The following NELL2 variants were observed in gnomAD, a reference collection of about 807,000 sequenced individuals.
NELL2 encodes neural EGFL like 2.
NELL2 carries 41 observed loss-of-function variants against 109.6 expected under a neutral mutation model. The observed-to-expected ratio is 0.37, with a 90% confidence interval of 0.29 to 0.49. The LOEUF (loss-of-function observed/expected upper bound fraction) is 0.49, where lower values mean the gene tolerates loss of function less well. Ranked by LOEUF, NELL2 falls within the 20% of genes least tolerant of loss-of-function variation. NELL2 has a pLI of 0.98. For synonymous variants in NELL2, 355 were observed against 344.7 expected (o/e 1.03, Z -0.33); for missense variants, 900 against 1,008.3 (o/e 0.89, Z 1.45).
intron 5 of NELL2, among the ~76,000 whole-genome samples, chr12:44,777,891 T>G (rs1054815251): frequency 2.6e-5 from 4 of 152,210 alleles, no homozygotes; most frequent in Admixed American, 2.0e-4. Flanking sequence ...ATGAAAATTT[T>G]TTAAATGTCA....
rs559158004 is a variant in NELL2 at position 44,804,083 on chromosome 12, G to A, written c.335+11903C>T. Among the ~76,000 whole-genome samples the A allele has an allele frequency of 2.0e-5, 3 of 151,854 alleles. No individual in the cohort carries two copies. In the East Asian group the frequency reaches 5.8e-4, roughly 29 times the overall value. ...GGTGCTGCTCAGACTATTTCTACTGGCTGAATTAAATGGGTTTAAGCTGAA... is the reference window on the plus strand; with the variant it reads ...GGTGCTGCTCAGACTATTTCTACTGACTGAATTAAATGGGTTTAAGCTGAA... On this transcript the variant is annotated intron_variant, in intron 3 of 19. Transcript: ENST00000429094.
At chr12:44,702,755 T>C (rs1213675770) in intron 12 of NELL2, among the ~76,000 whole-genome samples, 1 of 152,138 alleles carries the variant, frequency 6.6e-6, no homozygotes, top group Non-Finnish European at 1.5e-5. Flanking sequence ...CAGTAGCATT[T>C]AAAGAAATAT....
chr12:44,691,330 C>A (rs1948893749), intron 12 of NELL2, among the ~76,000 whole-genome samples: 1 of 152,042 alleles, frequency 6.6e-6, no homozygotes, highest in African/African-American at 2.4e-5. Context: ...GAATAATGGT[C>A]TTGATTTTAC....
At chr12:44,702,483 C>A (rs1949259701) in intron 12 of NELL2, among the ~76,000 whole-genome samples, 1 of 152,212 alleles carries the variant, frequency 6.6e-6, no homozygotes, top group Admixed American at 6.5e-5. Flanking sequence ...CAAAGTATCA[C>A]ATGAATTTGT....
intron 3 of NELL2, among the ~76,000 whole-genome samples, chr12:44,795,023 T>C (rs1399618255): frequency 6.6e-6 from 1 of 152,174 alleles, no homozygotes; most frequent in East Asian, 1.9e-4. Flanking sequence ...TAAACTAACT[T>C]AAGATTAGGT....
intron 2 of NELL2, among the ~76,000 whole-genome samples, chr12:44,827,046 G>T (rs1467799186): frequency 6.6e-6 from 1 of 152,038 alleles, no homozygotes; most frequent in Non-Finnish European, 1.5e-5. Context: ...GCACTAAATT[G>T]CAAAACAGAA....
intron 13 of NELL2, among the ~76,000 whole-genome samples, chr12:44,651,368 C>T (rs1592272238): frequency 6.6e-6 from 1 of 152,282 alleles, no homozygotes; most frequent in East Asian, 1.9e-4. Flanking sequence ...GGATATTTTC[C>T]ACTTTACTGA....
intron 15 of NELL2, among the ~76,000 whole-genome samples, chr12:44,588,117 G>A (rs374224071): frequency 2.0e-5 from 3 of 151,108 alleles, no homozygotes; most frequent in South Asian, 2.1e-4. Context: ...GCAGTGAGCC[G>A]AGATCATCGT....
intron 2 of NELL2, among the ~76,000 whole-genome samples, chr12:44,828,949 A>T (rs1036767696): frequency 1.3e-5 from 2 of 152,138 alleles, no homozygotes; most frequent in African/African-American, 2.4e-5. Context: ...TCACTGCTAT[A>T]ATTCTCATTT....
intron 19 of NELL2, 83 bp from the exon 20 acceptor site, chr12:44,509,067 C>G (rs769257185): frequency 5.1e-5 from 57 of 1,123,280 alleles, no homozygotes; most frequent in Non-Finnish European, 7.0e-5. Context: ...TTGGTACTTA[C>G]AAACAAAACT....
chr12:44,876,894 T>C (rs978042519), upstream of NELL2: 8 of 1,273,536 alleles, frequency 6.3e-6, no homozygotes, highest in Middle Eastern at 6.1e-4. Flanking sequence ...CCGGGTGTCC[T>C]GGTGGAGAGG....
chr12:44,551,868 T>C lies in NELL2; in HGVS notation c.1664-19147A>G, dbSNP rs1395625698. On this transcript the variant is annotated intron_variant, in intron 15 of 19. Coordinates refer to ENST00000429094, the MANE Select transcript of NELL2 (RefSeq NM_001145108.2). ...AAATGAAACCAAAAGCTTTTATTAC[T>C]CATAAGATAAAGCACTCTCTTGTAG... Among the ~76,000 whole-genome samples the C allele has an allele frequency of 3.9e-5, 6 of 152,230 alleles. No individual in the cohort carries two copies. The East Asian group carries it at 1.2e-3, about 29-fold the overall frequency.
chr12:44,591,827 TTCA>T (rs1481859643), intron 15 of NELL2, among the ~76,000 whole-genome samples: 1 of 152,302 alleles, frequency 6.6e-6, no homozygotes, highest in Middle Eastern at 3.4e-3. Context: ...ATTACCTGAT[TTCA>T]TCATTAGACA....
intron 11 of NELL2, among the ~76,000 whole-genome samples, chr12:44,707,914 G>C (rs995797215): frequency 3.9e-5 from 6 of 152,120 alleles, no homozygotes; most frequent in Admixed American, 3.9e-4. Context: ...CCCAGGGAAA[G>C]GAGAACTGAC....
intron 5 of NELL2, among the ~76,000 whole-genome samples, chr12:44,779,413 G>T (rs765640945): frequency 6.6e-6 from 1 of 152,098 alleles, no homozygotes; most frequent in Non-Finnish European, 1.5e-5. Context: ...TTCAAAGAAT[G>T]ACCTGTTAAC....
At chr12:44,619,301 G>A (rs1012041108) in intron 13 of NELL2, among the ~76,000 whole-genome samples, 1 of 152,122 alleles carries the variant, frequency 6.6e-6, no homozygotes, top group African/African-American at 2.4e-5. Context: ...ATAATTACTG[G>A]ACGCTAAACA....
chr12:44,558,555 T>C (rs921525998), intron 15 of NELL2, among the ~76,000 whole-genome samples: 3 of 152,244 alleles, frequency 2.0e-5, no homozygotes, highest in African/African-American at 7.2e-5. Context: ...CGTCACCTCA[T>C]CTGGGAAGTG....
At chr12:44,509,222 C>T (rs533345952) in intron 19 of NELL2, among the ~76,000 whole-genome samples, 1 of 152,280 alleles carries the variant, frequency 6.6e-6, no homozygotes, top group Non-Finnish European at 1.5e-5. Context: ...CTCTGTATCA[C>T]ATTTGTTCTT....
chr12:44,681,914 G>C (rs367845594), intron 12 of NELL2, among the ~76,000 whole-genome samples: 2 of 151,516 alleles, frequency 1.3e-5, no homozygotes, highest in Admixed American at 6.5e-5. Flanking sequence ...ATGATTTATA[G>C]TCCTTTGGGT....
Sources: gnomAD v4.1 joint callset for allele counts (sites outside exome capture counted in the v4.1 genomes callset) on GRCh38, gnomAD v4.1.1 for gene constraint, MANE v1.5 for transcripts, NCBI Gene and HGNC (gene_info 2026-07-23, HGNC 2026-07-21) for gene names.